The following PPP2R2C variants were observed in gnomAD, a reference collection of about 807,000 sequenced individuals.
PPP2R2C encodes protein phosphatase 2, regulatory subunit B, gamma.
A neutral mutation model predicts 45.3 loss-of-function variants in PPP2R2C; 10 were observed. That is an observed-to-expected ratio of 0.22 (90% CI 0.14 to 0.37). The LOEUF is 0.37. Ranked by LOEUF, PPP2R2C falls within the 10% of genes least tolerant of loss-of-function variation. The pLI is 1.00. For missense variants in PPP2R2C, 308 were observed against 619.7 expected (o/e 0.50, Z 5.34); for synonymous variants, 257 against 245.4 (o/e 1.05, Z -0.44).
chr4:6,407,428 C>T (rs978899260), intron 1 of PPP2R2C, among the ~76,000 whole-genome samples: 5 of 152,216 alleles, frequency 3.3e-5, no homozygotes, highest in African/African-American at 1.2e-4. Context: ...TGGAGTCTCA[C>T]TCTGCTGCCC....
intron 1 of PPP2R2C, among the ~76,000 whole-genome samples, chr4:6,542,771 A>G (rs941414154): frequency 2.0e-5 from 3 of 152,128 alleles, no homozygotes; most frequent in Non-Finnish European, 4.4e-5. Context: ...AAACAGATAA[A>G]TTTCTAGAAA....
chr4:6,454,801 G>C (rs563877061), intron 1 of PPP2R2C, among the ~76,000 whole-genome samples: 5 of 152,164 alleles, frequency 3.3e-5, no homozygotes, highest in African/African-American at 1.2e-4. Context: ...GTGCAAACGC[G>C]ATGTCATTCT....
chr4:6,433,463 G>A (rs759950584), intron 1 of PPP2R2C, among the ~76,000 whole-genome samples: 26 of 152,154 alleles, frequency 1.7e-4, no homozygotes, highest in African/African-American at 2.9e-4. Flanking sequence ...AAACGGTGCC[G>A]CCAAGTTTTC....
chr4:6,481,887 A>T (rs993041149), intron 2 of PPP2R2C, among the ~76,000 whole-genome samples: 8 of 151,066 alleles, frequency 5.3e-5, no homozygotes, highest in Admixed American at 3.3e-4. Context: ...GCTGAGGCAG[A>T]AGAATAGCTT....
intron 1 of PPP2R2C, among the ~76,000 whole-genome samples, chr4:6,448,195 C>T (rs993599631): frequency 6.6e-6 from 1 of 152,144 alleles, no homozygotes; most frequent in East Asian, 1.9e-4. Context: ...CCCTTTGCAT[C>T]GTTTCCTCAG....
At chr4:6,384,406 G>A (rs934205497) in intron 1 of PPP2R2C, 3 of 985,134 alleles carry the variant, frequency 3.0e-6, no homozygotes, top group Non-Finnish European at 3.6e-6. Flanking sequence ...GGTAGCTTTA[G>A]GGTAGCTGGA....
chr4:6,400,708 C>G (rs906602248), intron 1 of PPP2R2C, among the ~76,000 whole-genome samples: 1 of 152,212 alleles, frequency 6.6e-6, no homozygotes, highest in African/African-American at 2.4e-5. Flanking sequence ...CTGGCCCATC[C>G]AAGCCTCTCC....
intron 6 of PPP2R2C, among the ~76,000 whole-genome samples, chr4:6,338,545 G>A (rs1322970981): frequency 6.6e-6 from 1 of 152,138 alleles, no homozygotes; most frequent in Non-Finnish European, 1.5e-5. Context: ...CTCACACAGA[G>A]CCGACGGCAC....
intron 1 of PPP2R2C, among the ~76,000 whole-genome samples, chr4:6,385,473 C>T (rs1027107755): frequency 2.0e-5 from 3 of 152,142 alleles, no homozygotes; most frequent in African/African-American, 7.2e-5. Flanking sequence ...CTGACATTTC[C>T]AGCTCCAATA....
At chr4:6,343,488 A>T (rs377729182) in intron 6 of PPP2R2C, among the ~76,000 whole-genome samples, 1 of 152,146 alleles carries the variant, frequency 6.6e-6, no homozygotes, top group African/African-American at 2.4e-5. Flanking sequence ...TCATGCCTAT[A>T]ATCCCAGCAC....
chr4:6,355,431 G>C (rs536469831), intron 5 of PPP2R2C, among the ~76,000 whole-genome samples: 19 of 152,074 alleles, frequency 1.2e-4, no homozygotes, highest in African/African-American at 4.6e-4. Flanking sequence ...TGACGAGTTA[G>C]TGGGTGCAGC....
chr4:6,511,114 C>T (rs1334132390), intron 2 of PPP2R2C, among the ~76,000 whole-genome samples: 1 of 152,092 alleles, frequency 6.6e-6, no homozygotes, highest in East Asian at 1.9e-4. Context: ...ATTTCTTCAT[C>T]TGTAACATGG....
At chr4:6,382,718 C>G in intron 1 of PPP2R2C, 1 of 437,256 alleles carries the variant, frequency 2.3e-6, no homozygotes, top group Non-Finnish European at 3.6e-6. Context: ...CACACACACC[C>G]CACATCCAAT....
chr4:6,465,295 G>C (rs550283962), intron 1 of PPP2R2C, among the ~76,000 whole-genome samples: 9 of 152,156 alleles, frequency 5.9e-5, no homozygotes, highest in Non-Finnish European at 1.2e-4. Context: ...CTCCCCTGTA[G>C]AGCAACCTGG....
upstream of PPP2R2C, among the ~76,000 whole-genome samples, chr4:6,473,795 T>A (rs528784372): frequency 6.6e-6 from 1 of 152,310 alleles, no homozygotes; most frequent in Non-Finnish European, 1.5e-5. Context: ...TGATGCCGTC[T>A]CAGATTTCTT....
chr4:6,415,544 G>C lies in PPP2R2C; in HGVS notation c.71-34450C>G, dbSNP rs557716259. 2.0e-5 allele frequency among the ~76,000 whole-genome samples: 3 copies of C among 152,188 alleles called. No homozygotes were observed. In the South Asian group the frequency reaches 6.2e-4, roughly 32 times the overall value. ...GGCCGAGGGGAACCTCAGCTGTGAG[G>C]GGGGCACGGTCACTCAGAGGACGGC... is the stretch of plus-strand genomic sequence containing the variant. On this transcript the variant is annotated intron_variant, in intron 1 of 8. Coordinates refer to ENST00000382599, the MANE Select transcript of PPP2R2C (RefSeq NM_020416.4).
chr4:6,465,999 C>T (rs935626456), intron 1 of PPP2R2C, among the ~76,000 whole-genome samples: 6 of 152,200 alleles, frequency 3.9e-5, no homozygotes, highest in African/African-American at 7.2e-5. Context: ...AATATGGGCA[C>T]GTAACACACG....
intron 2 of PPP2R2C, among the ~76,000 whole-genome samples, chr4:6,508,306 G>A (rs1351426466): frequency 1.3e-5 from 2 of 152,212 alleles, no homozygotes; most frequent in Admixed American, 6.5e-5. Context: ...GAAGCTGGGG[G>A]CCAGGTGCGG....
At chr4:6,509,969 T>C (rs1426172541) in intron 2 of PPP2R2C, among the ~76,000 whole-genome samples, 1 of 152,168 alleles carries the variant, frequency 6.6e-6, no homozygotes, top group Admixed American at 6.5e-5. Flanking sequence ...TCTATGTCAT[T>C]TCCACAAGTG....
Sources: allele counts gnomAD v4.1 joint callset (sites outside exome capture counted in the v4.1 genomes callset), GRCh38; gene constraint gnomAD v4.1.1; transcripts MANE v1.5; gene names NCBI Gene and HGNC (gene_info 2026-07-23, HGNC 2026-07-21).